The following CCDC91 variants were observed in gnomAD, a reference collection of about 807,000 sequenced individuals.
CCDC91 encodes the protein coiled-coil domain containing 91.
In CCDC91, 48 loss-of-function variants were observed where a neutral mutation model predicts 63.2. The ratio of observed to expected loss-of-function variants is 0.76; its 90% CI spans 0.60 to 0.97. The LOEUF (loss-of-function observed/expected upper bound fraction) is 0.97. Among genes scored for constraint, CCDC91 ranks in the 50% least tolerant of loss-of-function variants. CCDC91 has a pLI of 0.00. For synonymous variants in CCDC91, 167 were observed against 165.8 expected, an observed-to-expected ratio of 1.01 and a Z score of -0.06; for missense variants, 500 against 494.6, an observed-to-expected ratio of 1.01 and a Z score of -0.10.
At chr12:28,246,510 G>C (rs1945747335) in intron 1 of CCDC91, among the ~76,000 whole-genome samples, 1 of 151,960 alleles carries the variant, frequency 6.6e-6, no homozygotes, top group Non-Finnish European at 1.5e-5. Context: ...TTGTCATCAT[G>C]CTTATTTTGC....
chr12:28,502,672 A>G (rs1446730269), intron 12 of CCDC91, among the ~76,000 whole-genome samples: 1 of 151,606 alleles, frequency 6.6e-6, no homozygotes, highest in East Asian at 1.9e-4. Flanking sequence ...ATGCTACCTG[A>G]CTTCAAACTA....
At chr12:28,523,028 T>C (rs1359334083) in intron 12 of CCDC91, among the ~76,000 whole-genome samples, 1 of 152,156 alleles carries the variant, frequency 6.6e-6, no homozygotes, top group East Asian at 1.9e-4. Context: ...TGTGATGTGT[T>C]GCTGAGAAGA....
chr12:28,233,922 A>G (rs1454668548), intron 1 of CCDC91, among the ~76,000 whole-genome samples: 2 of 152,128 alleles, frequency 1.3e-5, no homozygotes, highest in African/African-American at 4.8e-5. Context: ...TCAAAATTGT[A>G]AAATACCGGT....
At chr12:28,191,200 C>T (rs1159867038) in intron 1 of CCDC91, 1 of 152,280 alleles carries the variant, frequency 6.6e-6, no homozygotes, top group Non-Finnish European at 1.5e-5. Context: ...GCACGCCTCC[C>T]TTTCCCAACA....
chr12:28,481,806 G>A (rs1951463711), intron 11 of CCDC91, among the ~76,000 whole-genome samples: 1 of 151,836 alleles, frequency 6.6e-6, no homozygotes, highest in Non-Finnish European at 1.5e-5. Flanking sequence ...ATGGTCTTTT[G>A]CCAGCTCAAA....
chr12:28,246,279 G>C (rs925736505), intron 1 of CCDC91, among the ~76,000 whole-genome samples: 4 of 152,150 alleles, frequency 2.6e-5, no homozygotes, highest in African/African-American at 9.6e-5. Context: ...TGTGAGTCCA[G>C]ATAAGCACAG....
rs187714098 is a variant in CCDC91, at chr12:28,309,837, C to T, written c.576+2088C>T. 2.0e-3 allele frequency among the ~76,000 whole-genome samples: 298 copies of T among 152,112 alleles called. 3 individuals are homozygous for T. Among genetic ancestry groups the T allele is most frequent in the African/African-American group, 6.7e-3 (280 of 41,548 alleles). ...TACTCTTGTGGAGGCTTTTCTTAAT[C>T]GTGCTGTATAAAATAAGGCCCTTTG... On this transcript the variant is annotated intron_variant, in intron 6 of 12. Transcript: ENST00000536442.
intron 8 of CCDC91, among the ~76,000 whole-genome samples, chr12:28,394,582 T>G (rs1218521205): frequency 6.6e-6 from 1 of 152,204 alleles, no homozygotes; most frequent in East Asian, 1.9e-4. Flanking sequence ...ATTATATTTC[T>G]TAAGATGCCA....
intron 3 of CCDC91, among the ~76,000 whole-genome samples, chr12:28,264,585 CTGTGTGTGTGTG>C (rs34854850): frequency 1.2e-3 from 164 of 137,312 alleles, no homozygotes; most frequent in African/African-American, 4.0e-3. Context: ...ATATGTCTGT[CTGTGTGTGTGTG>C]TGTGTGTGTG....
intron 11 of CCDC91, among the ~76,000 whole-genome samples, chr12:28,453,681 C>G (rs1195436550): frequency 1.3e-5 from 2 of 151,780 alleles, no homozygotes; most frequent in East Asian, 3.9e-4. Flanking sequence ...GCAATATTAC[C>G]TTCTAATTCT....
At chr12:28,479,763 G>C (rs1422180229) in intron 11 of CCDC91, among the ~76,000 whole-genome samples, 6 of 152,028 alleles carry the variant, frequency 3.9e-5, no homozygotes, top group East Asian at 3.9e-4. Flanking sequence ...TGCCCATATA[G>C]GAAGGAAATG....
chr12:28,237,266 A>ACACACACACACAC (rs1555163661), intron 1 of CCDC91, among the ~76,000 whole-genome samples: 2 of 150,806 alleles, frequency 1.3e-5, no homozygotes, highest in Non-Finnish European at 3.0e-5. Context: ...ACACACACAC[A>ACACACACACACAC]TTTTTTAAAA....
chr12:28,440,613 C>T (rs1949134027), intron 8 of CCDC91, among the ~76,000 whole-genome samples: 1 of 152,016 alleles, frequency 6.6e-6, no homozygotes, highest in Non-Finnish European at 1.5e-5. Context: ...ACTTCTGCTA[C>T]TTGAAAGACA....
At chr12:28,230,163 A>T (rs183152179) in intron 1 of CCDC91, among the ~76,000 whole-genome samples, 11 of 152,296 alleles carry the variant, frequency 7.2e-5, no homozygotes, top group Admixed American at 5.9e-4. Context: ...TGTATAAAGG[A>T]TATGTGTAAT....
At chr12:28,466,336 A>G (rs1354901722) in intron 11 of CCDC91, among the ~76,000 whole-genome samples, 2 of 152,204 alleles carry the variant, frequency 1.3e-5, no homozygotes, top group African/African-American at 4.8e-5. Context: ...CTAGAGAAAG[A>G]TATCAGTATC....
Position 28,201,279 on chromosome 12 carries a change from T to C in CCDC91, c.-15+10638T>C, listed in dbSNP as rs9885367. Among the ~76,000 whole-genome samples the C allele has an allele frequency of 6.4e-5, 9 of 140,452 alleles. No individual in the cohort carries two copies. The Admixed American group carries it at 6.5e-4, about 10-fold the overall frequency. 92.1% of individuals were successfully genotyped at this position (140,452 alleles called of 152,430 possible). Reference sequence around the variant, plus strand: ...GGCTCCTCACTTCTCAGACGGGCGGTTGCCAGGCGGAGGGTCTCCTCACTT... The same window carrying C: ...GGCTCCTCACTTCTCAGACGGGCGGCTGCCAGGCGGAGGGTCTCCTCACTT... On this transcript the variant is annotated intron_variant, in intron 1 of 12. Transcript: ENST00000536442.
chr12:28,508,602 T>C lies in CCDC91; in HGVS notation c.1215+24437T>C, dbSNP rs374543853. Among the ~76,000 whole-genome samples the C allele has an allele frequency of 7.2e-5, 11 of 152,044 alleles. No individual in the cohort carries two copies. The East Asian group carries it at 1.2e-3, about 16-fold the overall frequency. ...ATTGATCAGGATCAATTACCTTTGC[T>C]TTATTTCCCTGTATAGCGTTCTTGA... is the stretch of plus-strand genomic sequence containing the variant. On this transcript the variant is annotated intron_variant, in intron 12 of 12. Transcript: ENST00000536442.
chr12:28,263,804 T>C (rs568997292), intron 3 of CCDC91, among the ~76,000 whole-genome samples: 1 of 152,150 alleles, frequency 6.6e-6, no homozygotes, highest in East Asian at 1.9e-4. Context: ...TAATAAACAA[T>C]GTGTAGTAAT....
chr12:28,376,538 A>G (rs1265843728), intron 7 of CCDC91, among the ~76,000 whole-genome samples: 4 of 151,830 alleles, frequency 2.6e-5, no homozygotes, highest in African/African-American at 7.2e-5. Flanking sequence ...TAAGAAAAGA[A>G]TTCTTTATAG....
Sources: allele counts gnomAD v4.1 joint callset (sites outside exome capture counted in the v4.1 genomes callset), GRCh38; gene constraint gnomAD v4.1.1; transcripts MANE v1.5; gene names NCBI Gene and HGNC (gene_info 2026-07-23, HGNC 2026-07-21).